SETD1B: variants seen among roughly 807,000 people sequenced by gnomAD.
The protein encoded by SETD1B is histone-lysine N-methyltransferase SETD1B.
SETD1B carries 7 observed loss-of-function variants against 148.0 expected under a neutral mutation model. The observed-to-expected ratio is 0.05, with a 90% CI of 0.03 to 0.09. The LOEUF (loss-of-function observed/expected upper bound fraction) is 0.09. SETD1B is among the 10% of genes least tolerant of loss of function. SETD1B has a pLI of 1.00. For missense variants in SETD1B, 2,155 were observed against 2,729.9 expected (o/e 0.79, Z 4.69); for synonymous variants, 1,361 against 1,186.5 (o/e 1.15, Z -3.02).
chr12:121,801,643 CATAT>C (rs988438904), upstream of SETD1B: 1 of 152,582 alleles, frequency 6.6e-6, no homozygotes, highest in African/African-American at 2.4e-5. Context: ...ATTGTAAAAA[CATAT>C]ATATTTTTTG....
chr12:121,793,145 C>A, the SETD1B span: 1 of 1,549,154 alleles, frequency 6.5e-7, no homozygotes, highest in Non-Finnish European at 8.7e-7. Context: ...CGCGCAGGCG[C>A]ACTCACCGGC....
chr12:121,822,915 C>T lies in SETD1B; in HGVS notation c.4336C>T (p.Pro1446Ser). 2.7e-6 allele frequency: 4 copies of T among 1,508,582 alleles called. No homozygotes were observed. Among genetic ancestry groups the T allele is most frequent in the Non-Finnish European group, 3.6e-6 (4 of 1,124,722 alleles). The allele number at this position is 1,508,582 out of a possible 1,614,324, so 93.4% of individuals were successfully genotyped here. ...CGAGCCCAGCGGGCCCTTGCTCCTG[C>T]CCGTCTGCCCACTCCCCACTGGCCG... ...FSEPSGPLLL[P>S]VCPLPTGRRD... Residue 1446 changes from proline to serine, a missense_variant, in exon 12 of 17, where the codon CCC becomes TCC. Coordinates refer to ENST00000604567, the MANE Select transcript of SETD1B (RefSeq NM_001353345.2).
At chr12:121,809,060 G>C (rs1474573001) in intron 5 of SETD1B, among the ~76,000 whole-genome samples, 3 of 152,140 alleles carry the variant, frequency 2.0e-5, no homozygotes, top group Non-Finnish European at 4.4e-5. Flanking sequence ...GGTTAGTAGA[G>C]GTGGGGTTTC....
upstream of SETD1B, chr12:121,799,729 GGTGGGGT>G (rs1464980313): frequency 2.2e-4 from 28 of 125,590 alleles, 1 homozygote; most frequent in African/African-American, 8.2e-4. Context: ...GGGGGGGGGG[GGTGGGGT>G]GGGGCGGGGC....
In SETD1B at chr12:121,823,575, C is replaced by G. The variant is rs1274280127; in HGVS notation, c.4996C>G (p.Gln1666Glu). 3 of 1,551,356 alleles carry G rather than the reference C, an allele frequency of 1.9e-6. No homozygotes were observed. The East Asian group carries it at 7.3e-5, about 38-fold the overall frequency. Residue 1666 changes from glutamine to glutamate, a missense_variant, in exon 12 of 17, where the codon CAG becomes GAG. Gln to Glu is a conservative substitution (Grantham distance 29). Coordinates refer to ENST00000604567, the MANE Select transcript of SETD1B (RefSeq NM_001353345.2). ...PAGSPELSPPQPLFRPRSEFE... is the reference protein window; with the variant it reads ...PAGSPELSPPEPLFRPRSEFE... ...GGGCTCGCCCGAACTCTCGCCACCC[C>G]AGCCCCTCTTCCGGCCCCGCTCGGA...
intron 11 of SETD1B, among the ~76,000 whole-genome samples, chr12:121,821,505 T>C (rs1876566671): frequency 6.7e-6 from 1 of 149,752 alleles, no homozygotes. Context: ...ATCCCAGCAC[T>C]GTGGGAAGCC....
chr12:121,818,002 T>C (rs2137568440), intron 10 of SETD1B, 98 bp downstream of exon 10: 1 of 1,273,220 alleles, frequency 7.9e-7, no homozygotes, highest in Non-Finnish European at 1.1e-6. Context: ...AGCCAAAATG[T>C]TGTGCTTTTG....
At position 121,811,320 on chromosome 12, in the gene SETD1B, T is replaced by C. The variant is rs1051632894; in HGVS notation, c.1890+485T>C. On this transcript the variant is annotated intron_variant, in intron 6 of 16. Transcript: ENST00000604567. ...CTAAGTGGGGTGAAGCCCCGGAGCA[T>C]TGTCTCCTAGAGCCTGGTGCCCTCT... Among the ~76,000 whole-genome samples, 5 of 152,064 alleles carry C rather than the reference T, an allele frequency of 3.3e-5. 1 individual carries two copies. The highest frequency in any genetic ancestry group is 1.3e-4 in the Admixed American group (2 of 15,290).
In SETD1B at chr12:121,804,501, C is replaced by T. The variant is rs1438837643; in HGVS notation, c.-14-223C>T. The stretch of plus-strand genomic sequence containing the variant: ...GGGACCCCCGGGAGCCCCTCGCTGC[C>T]GCCCCGAGACGGTGGCCGAGCGGGC... On this transcript the variant is annotated intron_variant, in intron 1 of 16. Transcript: ENST00000604567. The surrounding 1 kb of genome is among the most constrained non-coding windows in gnomAD (Gnocchi z 4.6). 1.3e-5 allele frequency among the ~76,000 whole-genome samples: 2 copies of T among 150,876 alleles called. No individual in the cohort carries two copies. The highest frequency in any genetic ancestry group is 3.0e-5 in the Non-Finnish European group (2 of 67,560).
rs567456181 is a variant in SETD1B at position 121,825,255 on chromosome 12, C to T, written c.5226C>T (p.His1742=). 47 of 1,551,832 alleles carry T rather than the reference C, an allele frequency of 3.0e-5. No individual in the cohort carries two copies. The highest frequency in any genetic ancestry group is 6.8e-5 in the African/African-American group (5 of 73,186). Residue 1742 remains histidine, a synonymous_variant, in exon 13 of 17, where the codon CAC becomes CAT. Transcript: ENST00000604567. The stretch of plus-strand genomic sequence containing the variant: ...AACGGGACGATGGCATCCGCGAGCA[C>T]GTGACGGGCTGTGCCCGCAGTGAGG... The part of the protein sequence containing the change: ...KKKRDDGIRE[H]VTGCARSEGF...
At chr12:121,828,886 G>A (rs986621083) in intron 16 of SETD1B, among the ~76,000 whole-genome samples, 2 of 152,226 alleles carry the variant, frequency 1.3e-5, no homozygotes, top group Non-Finnish European at 2.9e-5. Flanking sequence ...AGTCCTCAGC[G>A]CCTGCTGGCT....
At position 121,817,788 on chromosome 12, in the gene SETD1B, T is replaced by C. The variant is rs902501054; in HGVS notation, c.3313-11T>C. 3 of 1,546,886 alleles carry C rather than the reference T, an allele frequency of 1.9e-6. No individual in the cohort carries two copies. Among genetic ancestry groups the C allele is most frequent in the African/African-American group, 1.4e-5 (1 of 72,934 alleles). ...TCGGCTCACCTGTCCCCACTCTTCC[T>C]TCTCCCCCAGGATGACGACGATGAC... On this transcript the variant is annotated splice_polypyrimidine_tract_variant and intron_variant, in intron 9 of 16. Transcript: ENST00000604567. The surrounding 1 kb of genome is among the most constrained non-coding windows in gnomAD (Gnocchi z 8.1).
the SETD1B span, chr12:121,793,672 A>C: frequency 4.0e-6 from 6 of 1,488,370 alleles, no homozygotes; most frequent in Middle Eastern, 2.4e-4. Flanking sequence ...CGCGCCGGGC[A>C]CTAGCGGAGC....
At chr12:121,813,417 G>C (rs987424908) in intron 6 of SETD1B, among the ~76,000 whole-genome samples, 3 of 152,244 alleles carry the variant, frequency 2.0e-5, no homozygotes, top group South Asian at 2.1e-4. Context: ...AGTGAGGACA[G>C]CAGGGTGACT....
the SETD1B span, among the ~76,000 whole-genome samples, chr12:121,798,403 G>C: frequency 6.6e-6 from 1 of 152,228 alleles, no homozygotes; most frequent in Non-Finnish European, 1.5e-5. Context: ...GGTGCGGGGG[G>C]AAGCTCTGAG....
Position 121,819,698 on chromosome 12 carries a change from C to A in SETD1B, c.3713C>A (p.Thr1238Asn), listed in dbSNP as rs1414151535. The change falls in exon 11 of 17, where the codon ACT (threonine) becomes AAT (asparagine). Residue 1238 changes from threonine to asparagine, a missense_variant. Physicochemically the swap from Thr to Asn is moderately conservative, Grantham distance 65. Transcript: ENST00000604567. ...LGMEEEVDIE[T>N]EAVAPEERPS... ...ATGGAAGAGGAGGTGGACATCGAGA[C>A]TGAGGCTGTGGCCCCTGAGGAGCGG... 8 of 1,551,070 alleles carry A rather than the reference C, an allele frequency of 5.2e-6. No homozygotes were observed. The highest frequency in any genetic ancestry group is 7.0e-6 in the Non-Finnish European group (8 of 1,146,988).
intron 6 of SETD1B, among the ~76,000 whole-genome samples, chr12:121,811,436 G>T (rs918131327): frequency 6.6e-6 from 1 of 151,918 alleles, no homozygotes; most frequent in Admixed American, 6.6e-5. Flanking sequence ...GAGCTAACTT[G>T]GGGTGGGGGT....
At chr12:121,792,376 G>A in the SETD1B span, among the ~76,000 whole-genome samples, 1 of 152,182 alleles carries the variant, frequency 6.6e-6, no homozygotes, top group Non-Finnish European at 1.5e-5. Flanking sequence ...TCCTCCCACT[G>A]ACTGTTTCTC....
rs146383894 is a variant in SETD1B at position 121,805,535 on chromosome 12, G to C, written c.274-300G>C. 8.3e-3 allele frequency among the ~76,000 whole-genome samples: 1,263 copies of C among 152,202 alleles called. 15 individuals are homozygous for C. The highest frequency in any genetic ancestry group is 0.029 in the African/African-American group (1,197 of 41,526). On this transcript the variant is annotated intron_variant, in intron 3 of 16. Coordinates refer to ENST00000604567, the MANE Select transcript of SETD1B (RefSeq NM_001353345.2). The surrounding 1 kb of genome is among the most constrained non-coding windows in gnomAD (Gnocchi z 4.2). ...AAGCCTGAGGGGTCGCCCCTGACCCGGCAGCAGGAAGAGAAGGCCAGAAAG... is the reference window on the plus strand; with the variant it reads ...AAGCCTGAGGGGTCGCCCCTGACCCCGCAGCAGGAAGAGAAGGCCAGAAAG...
Sources: allele counts gnomAD v4.1 joint callset (sites outside exome capture counted in the v4.1 genomes callset), GRCh38; gene constraint gnomAD v4.1.1; non-coding constraint Gnocchi (gnomAD v3.1); transcripts MANE v1.5; gene names NCBI Gene and HGNC (gene_info 2026-07-23, HGNC 2026-07-21).